The following TRPM1 variants were observed in gnomAD, a reference collection of about 807,000 sequenced individuals.
The protein encoded by TRPM1 is TRPM1-203 APA Isoform, Intron 10.
Under a neutral mutation model 149.4 loss-of-function variants are expected in TRPM1, and 113 were observed. That is an observed-to-expected ratio of 0.76 (90% CI 0.65 to 0.88). TRPM1 has a LOEUF of 0.88. TRPM1 is among the 40% of genes least tolerant of loss of function. The pLI, the probability that TRPM1 is intolerant of heterozygous loss-of-function variation, is 0.00. For missense variants in TRPM1, 1,976 were observed against 2,038.7 expected, an observed-to-expected ratio of 0.97 and a Z score of 0.59; for synonymous variants, 741 against 759.5, an observed-to-expected ratio of 0.98 and a Z score of 0.40.
intron 11 of TRPM1, among the ~76,000 whole-genome samples, chr15:31,055,073 T>G (rs1379992242): frequency 6.6e-6 from 1 of 152,238 alleles, no homozygotes; most frequent in Non-Finnish European, 1.5e-5. Flanking sequence ...TTTACTGTGT[T>G]GGAATTCTTA....
At chr15:31,038,006 A>G (rs901703348) in intron 19 of TRPM1, 38 bp downstream of exon 19, 4 of 1,613,936 alleles carry the variant, frequency 2.5e-6, no homozygotes, top group Non-Finnish European at 3.4e-6. Context: ...TGAAAACAAG[A>G]TTACACTGAT....
At chr15:31,133,385 T>C (rs2036046059) in intron 1 of TRPM1, among the ~76,000 whole-genome samples, 1 of 150,742 alleles carries the variant, frequency 6.6e-6, no homozygotes, top group Non-Finnish European at 1.5e-5. Context: ...ATGATCCACA[T>C]GGTGAAACTC....
chr15:31,119,438 A>T (rs886853806), intron 1 of TRPM1, among the ~76,000 whole-genome samples: 5 of 152,144 alleles, frequency 3.3e-5, no homozygotes, highest in Non-Finnish European at 5.9e-5. Flanking sequence ...AAAAAGAGAT[A>T]AAGATATTTT....
intron 27 of TRPM1, 78 bp from the exon 28 acceptor site, chr15:31,003,148 T>A: frequency 7.4e-7 from 1 of 1,349,978 alleles, no homozygotes; most frequent in Non-Finnish European, 1.0e-6. Flanking sequence ...GTCATTGCTA[T>A]GTGATTTTTC....
chr15:31,123,242 T>A (rs1391637456), intron 1 of TRPM1, among the ~76,000 whole-genome samples: 1 of 152,170 alleles, frequency 6.6e-6, no homozygotes, highest in Non-Finnish European at 1.5e-5. Flanking sequence ...CTAGAAGATA[T>A]CATAGGAGAA....
At chr15:31,104,547 G>GGCCAT (rs2035571900), upstream of TRPM1, among the ~76,000 whole-genome samples, 1 of 151,364 alleles carries the variant, frequency 6.6e-6, no homozygotes, top group Non-Finnish European at 1.5e-5. Context: ...GACTGTCTAG[G>GGCCAT]GCCATGATAT....
chr15:31,045,016 A>G (rs1353905632), intron 16 of TRPM1, among the ~76,000 whole-genome samples: 1 of 152,180 alleles, frequency 6.6e-6, no homozygotes, highest in Non-Finnish European at 1.5e-5. Flanking sequence ...TGAAATGCAC[A>G]CTTCTAAGAA....
Position 31,027,099 on chromosome 15 carries a change from T to G in TRPM1, c.3312A>C (p.Val1104=). The change falls in exon 26 of 28, where the codon GTA becomes GTC. Residue 1104 remains valine, a synonymous_variant. Transcript: ENST00000256552. ...TCCACACCTGGTTGGATATTGATTT[T>G]ACTTCAAAGAAGGTATTGCTTTAAA... ...IAVFNNTFFE[V]KSISNQVWKF... is the part of the protein sequence containing the mutation. The G allele has an allele frequency of 6.2e-7, 1 of 1,614,218 alleles. No individual in the cohort carries two copies.
At chr15:31,118,113 T>A (rs1412787067) in intron 1 of TRPM1, among the ~76,000 whole-genome samples, 1 of 151,892 alleles carries the variant, frequency 6.6e-6, no homozygotes, top group East Asian at 1.9e-4. Flanking sequence ...ATACAAAAAA[T>A]TAGCTAGGTG....
upstream of TRPM1, chr15:31,101,789 G>A: frequency 3.3e-6 from 3 of 920,332 alleles, no homozygotes; most frequent in Non-Finnish European, 3.9e-6. Context: ...GTGAGCACTT[G>A]GGCCTGGGCC....
chr15:31,070,430 C>T (rs769320786), intron 3 of TRPM1: 25 of 705,896 alleles, frequency 3.5e-5, no homozygotes, highest in East Asian at 1.1e-4. Flanking sequence ...ATATGCCAGT[C>T]GATTTTAGAC....
rs748496286 is a variant in TRPM1, at chr15:31,113,490, T to TA, written c.55-36507dup. Among the ~76,000 whole-genome samples the TA allele has an allele frequency of 7.2e-5, 11 of 152,076 alleles. No homozygotes were observed. The South Asian group carries it at 1.0e-3, about 14-fold the overall frequency. On this transcript the variant is annotated intron_variant, in intron 1 of 26. Coordinates refer to the TRPM1 transcript ENST00000542188. ...GATAAAAATGGGTCAAACAATATCT[T>TA]AAAGACAGTGACTGAGAATTTTCCA...
chr15:31,110,760 C>A (rs888735120), intron 1 of TRPM1, among the ~76,000 whole-genome samples: 2 of 152,166 alleles, frequency 1.3e-5, no homozygotes, highest in Non-Finnish European at 2.9e-5. Flanking sequence ...ATGGAGTTAT[C>A]AGTGGGAGGA....
chr15:31,122,558 A>C (rs78836167), intron 1 of TRPM1, among the ~76,000 whole-genome samples: 4,912 of 152,308 alleles, frequency 0.032, 241 homozygotes, highest in African/African-American at 0.11. Context: ...CTGGAATTTC[A>C]AATAAAAACA....
At position 31,029,359 on chromosome 15, in the gene TRPM1, A is replaced by C; in HGVS notation, c.3148+12T>G. ...TCCATAGACTAGAATAATCAATTCCATGTAAACTTACGATTAATTTCCATG... is the reference window on the plus strand; with the variant it reads ...TCCATAGACTAGAATAATCAATTCCCTGTAAACTTACGATTAATTTCCATG... On this transcript the variant is annotated intron_variant, in intron 24 of 27. Transcript: ENST00000256552. 3 of 1,613,326 alleles carry C rather than the reference A, an allele frequency of 1.9e-6. No homozygotes were observed. The South Asian group carries it at 3.3e-5, about 18-fold the overall frequency.
chr15:31,036,907 G>A (rs1210246375), intron 20 of TRPM1, among the ~76,000 whole-genome samples: 2 of 152,236 alleles, frequency 1.3e-5, no homozygotes, highest in Non-Finnish European at 2.9e-5. Context: ...CCACGGCCAG[G>A]GACCCAGCTC....
intron 21 of TRPM1, among the ~76,000 whole-genome samples, chr15:31,035,074 G>C (rs867968841): frequency 5.9e-5 from 9 of 152,196 alleles, no homozygotes; most frequent in Middle Eastern, 6.8e-3. Context: ...GCGCGATCTC[G>C]GCTCATTGCA....
At chr15:31,157,163 T>C (rs1224815195) in intron 1 of TRPM1, among the ~76,000 whole-genome samples, 10 of 152,186 alleles carry the variant, frequency 6.6e-5, no homozygotes, top group Admixed American at 6.5e-4. Context: ...TCTGCCCGCT[T>C]TGGCCTCCCA....
intron 1 of TRPM1, among the ~76,000 whole-genome samples, chr15:31,139,179 T>A (rs779427657): frequency 6.6e-6 from 1 of 152,164 alleles, no homozygotes; most frequent in Non-Finnish European, 1.5e-5. Flanking sequence ...ATAACTCTTG[T>A]CCCATGAAAA....
Sources: allele counts gnomAD v4.1 joint callset (sites outside exome capture counted in the v4.1 genomes callset), GRCh38; gene constraint gnomAD v4.1.1; transcripts MANE v1.5; gene names NCBI Gene and HGNC (gene_info 2026-07-23, HGNC 2026-07-21).